Variants in SLIT3 observed in about 807,000 individuals in gnomAD.
The protein encoded by SLIT3 is slit homolog 3 protein.
Under a neutral mutation model 184.0 loss-of-function variants are expected in SLIT3, and 68 were observed. That is an observed-to-expected ratio of 0.37 (90% CI 0.30 to 0.45). The LOEUF is 0.45. Ranked by LOEUF, SLIT3 falls within the 20% of genes least tolerant of loss-of-function variation. SLIT3 has a pLI of 1.00. For synonymous variants in SLIT3, 831 were observed against 828.6 expected (o/e 1.00, Z -0.05); for missense variants, 1,707 against 2,026.0 (o/e 0.84, Z 3.02).
chr5:169,071,134 C>G (rs1018211335), intron 4 of SLIT3, among the ~76,000 whole-genome samples: 1 of 152,170 alleles, frequency 6.6e-6, no homozygotes, highest in African/African-American at 2.4e-5. Context: ...AGTCTTGAGA[C>G]TGTGCTTGTT....
intron 3 of SLIT3, among the ~76,000 whole-genome samples, chr5:169,240,171 C>A (rs954543201): frequency 1.3e-5 from 2 of 151,938 alleles, no homozygotes; most frequent in African/African-American, 4.8e-5. Flanking sequence ...CTTTCTAGAT[C>A]AGTATATAAT....
At chr5:169,117,487 G>A (rs560898664) in intron 4 of SLIT3, among the ~76,000 whole-genome samples, 1 of 151,846 alleles carries the variant, frequency 6.6e-6, no homozygotes, top group Non-Finnish European at 1.5e-5. Context: ...GTTTCATTGG[G>A]ACTTGGCTCA....
chr5:169,265,026 C>A (rs1466307120), intron 1 of SLIT3, among the ~76,000 whole-genome samples: 4 of 152,262 alleles, frequency 2.6e-5, no homozygotes, highest in East Asian at 3.9e-4. Flanking sequence ...AGAGGGGCAA[C>A]CCGGGTGGTT....
At chr5:168,718,251 A>C (rs1762812059) in intron 23 of SLIT3, 1 of 151,942 alleles carries the variant, frequency 6.6e-6, no homozygotes, top group Non-Finnish European at 1.5e-5. Context: ...GGGATGTTTT[A>C]AGGAGAACTC....
intron 4 of SLIT3, among the ~76,000 whole-genome samples, chr5:169,182,554 A>G (rs772898282): frequency 3.3e-5 from 5 of 152,220 alleles, no homozygotes; most frequent in Non-Finnish European, 5.9e-5. Flanking sequence ...TTAAAATACT[A>G]TTTGTCCCCT....
intron 4 of SLIT3, among the ~76,000 whole-genome samples, chr5:169,034,352 G>A (rs530689384): frequency 3.3e-5 from 5 of 152,068 alleles, no homozygotes; most frequent in Admixed American, 6.5e-5. Flanking sequence ...CTTTTTCCCC[G>A]TGTTCTCTTC....
intron 6 of SLIT3, among the ~76,000 whole-genome samples, chr5:168,823,837 C>T (rs1253459951): frequency 6.6e-6 from 1 of 152,210 alleles, no homozygotes; most frequent in African/African-American, 2.4e-5. Flanking sequence ...GAGTCCAGCA[C>T]TACCTTGCTG....
intron 4 of SLIT3, among the ~76,000 whole-genome samples, chr5:169,146,041 ACT>A (rs1459367343): frequency 1.3e-5 from 2 of 152,024 alleles, no homozygotes; most frequent in African/African-American, 4.8e-5. Flanking sequence ...ACAGAGCAAT[ACT>A]CTGTCTCAAA....
chr5:169,242,391 C>A (rs996982650), intron 3 of SLIT3, among the ~76,000 whole-genome samples: 15 of 152,224 alleles, frequency 9.9e-5, no homozygotes, highest in Admixed American at 8.5e-4. Context: ...CAAAGCTCAA[C>A]TACCTTTCCT....
intron 4 of SLIT3, among the ~76,000 whole-genome samples, chr5:168,925,701 T>C (rs1468036974): frequency 6.6e-6 from 1 of 152,062 alleles, no homozygotes; most frequent in African/African-American, 2.4e-5. Context: ...TGTTGTTTCC[T>C]TGACTTTACA....
At chr5:168,734,984 G>C (rs1763387673) in intron 20 of SLIT3, among the ~76,000 whole-genome samples, 1 of 152,192 alleles carries the variant, frequency 6.6e-6, no homozygotes, top group African/African-American at 2.4e-5. Context: ...CAGAAATGCA[G>C]ATGCAGTGGT....
chr5:168,793,723 G>A (rs1756466249), intron 10 of SLIT3, among the ~76,000 whole-genome samples: 1 of 152,006 alleles, frequency 6.6e-6, no homozygotes. Context: ...ATATAGGTTG[G>A]GGCAGTGACT....
chr5:168,907,959 T>TAGAGAG (rs1244335185), intron 4 of SLIT3, among the ~76,000 whole-genome samples: 2 of 88,156 alleles, frequency 2.3e-5, no homozygotes, highest in African/African-American at 8.8e-5. Flanking sequence ...TATATATATA[T>TAGAGAG]ATATATATAT....
In SLIT3 at chr5:169,166,418, G is replaced by T. The variant is rs139006343; in HGVS notation, c.413+27061C>A. On this transcript the variant is annotated intron_variant, in intron 4 of 35. Transcript: ENST00000519560. The stretch of plus-strand genomic sequence containing the variant: ...GCAGTGGAGATCATCTTGAGCAATG[G>T]GGGAGTGGGCTGAGGTGGCAGAAAC... Among the ~76,000 whole-genome samples, 187 of 152,280 alleles carry T rather than the reference G, an allele frequency of 1.2e-3. 1 individual carries two copies. Among genetic ancestry groups the T allele is most frequent in the South Asian group, 2.7e-3 (13 of 4,816 alleles).
chr5:169,263,224 C>G lies in SLIT3; in HGVS notation c.198-11765G>C, dbSNP rs1766259906. ...AGGCATGGTGGTACTTGCCTATAGT[C>G]CCAGATACTCAGGAGGCTGAGGTGG... On this transcript the variant is annotated intron_variant, in intron 1 of 35. Coordinates refer to ENST00000519560, the MANE Select transcript of SLIT3 (RefSeq NM_003062.4). 2.0e-5 allele frequency among the ~76,000 whole-genome samples: 3 copies of G among 152,102 alleles called. No homozygotes were observed. The South Asian group carries it at 6.2e-4, about 32-fold the overall frequency.
intron 1 of SLIT3, among the ~76,000 whole-genome samples, chr5:169,259,684 C>T (rs1356380877): frequency 1.3e-5 from 2 of 152,154 alleles, no homozygotes; most frequent in Non-Finnish European, 2.9e-5. Flanking sequence ...GCAAAATTAA[C>T]TCATGTTGGG....
At chr5:168,677,449 G>GTT (rs567172725) in intron 32 of SLIT3, among the ~76,000 whole-genome samples, 306 of 151,758 alleles carry the variant, frequency 2.0e-3, no homozygotes, top group African/African-American at 7.1e-3. Context: ...ACTGTTTTTT[G>GTT]TTTTGTTTTT....
At chr5:169,143,075 T>A (rs1410563987) in intron 4 of SLIT3, among the ~76,000 whole-genome samples, 1 of 152,192 alleles carries the variant, frequency 6.6e-6, no homozygotes, top group Non-Finnish European at 1.5e-5. Flanking sequence ...TCCCTATTTT[T>A]AATGTAAGTT....
intron 5 of SLIT3, among the ~76,000 whole-genome samples, chr5:168,881,261 C>G (rs769946778): frequency 6.6e-6 from 1 of 152,064 alleles, no homozygotes; most frequent in African/African-American, 2.4e-5. Flanking sequence ...GAATCTTGAA[C>G]CTTTCAAGTC....
Sources: gnomAD v4.1 joint callset for allele counts (sites outside exome capture counted in the v4.1 genomes callset) on GRCh38, gnomAD v4.1.1 for gene constraint, MANE v1.5 for transcripts, NCBI Gene and HGNC (gene_info 2026-07-23, HGNC 2026-07-21) for gene names.